The following ZRANB1 variants were observed in gnomAD, a reference collection of about 807,000 sequenced individuals.
The protein encoded by ZRANB1 is ubiquitin thioesterase ZRANB1.
A neutral mutation model predicts 80.5 loss-of-function variants in ZRANB1; 16 were observed. That is an observed-to-expected ratio of 0.20 (90% CI 0.13 to 0.30). The LOEUF (loss-of-function observed/expected upper bound fraction) is 0.30, where lower values mean the gene tolerates loss of function less well. Ranked by LOEUF, ZRANB1 falls within the 10% of genes least tolerant of loss-of-function variation. The pLI is 1.00. For synonymous variants in ZRANB1, 291 were observed against 293.1 expected, an observed-to-expected ratio of 0.99 and a Z score of 0.07; for missense variants, 576 against 862.6, an observed-to-expected ratio of 0.67 and a Z score of 4.16.
chr10:124,959,902 G>C lies in ZRANB1; in HGVS notation c.815-6692G>C, dbSNP rs79974269. Among the ~76,000 whole-genome samples, 1,082 of 152,310 alleles carry C rather than the reference G, an allele frequency of 7.1e-3. 16 individuals carry two copies. The highest frequency in any genetic ancestry group is 0.025 in the African/African-American group (1,026 of 41,572). On this transcript the variant is annotated intron_variant, in intron 1 of 8. Transcript: ENST00000359653. ...AGCAACTTAGGTATAGCCAGGTATA[G>C]CTGGGGTAGAGTCAGTGGAGATGGG... is the stretch of plus-strand genomic sequence containing the variant.
the ZRANB1 span, among the ~76,000 whole-genome samples, chr10:124,921,371 C>T: frequency 6.6e-6 from 1 of 152,180 alleles, no homozygotes; most frequent in South Asian, 2.1e-4. Flanking sequence ...TGCTACCTGT[C>T]AACCGTCTTG....
intron 1 of ZRANB1, among the ~76,000 whole-genome samples, chr10:124,951,554 G>A (rs1951638963): frequency 1.3e-5 from 2 of 152,134 alleles, no homozygotes; most frequent in South Asian, 2.1e-4. Context: ...AAAAATAGAA[G>A]AGGCTTCTAT....
the ZRANB1 span, among the ~76,000 whole-genome samples, chr10:124,918,593 CCT>C: frequency 6.6e-6 from 1 of 152,188 alleles, no homozygotes; most frequent in African/African-American, 2.4e-5. Flanking sequence ...CAGCAGTACC[CCT>C]GTTTTGGTCA....
the ZRANB1 span, among the ~76,000 whole-genome samples, chr10:124,923,294 A>C: frequency 1.3e-5 from 2 of 149,752 alleles, no homozygotes; most frequent in African/African-American, 5.1e-5. Context: ...AAACAAACAA[A>C]AAAAACAAAC....
At chr10:124,926,854 A>G in the ZRANB1 span, among the ~76,000 whole-genome samples, 1 of 152,232 alleles carries the variant, frequency 6.6e-6, no homozygotes. Flanking sequence ...TTGACGTCAC[A>G]AGGCAAATTT....
the ZRANB1 span, among the ~76,000 whole-genome samples, chr10:124,925,939 A>G: frequency 6.6e-6 from 1 of 152,236 alleles, no homozygotes; most frequent in African/African-American, 2.4e-5. Flanking sequence ...AGCCTACTGC[A>G]CAGTAGGCCA....
chr10:124,953,291 G>A (rs569160202), intron 1 of ZRANB1, among the ~76,000 whole-genome samples: 1 of 152,196 alleles, frequency 6.6e-6, no homozygotes, highest in African/African-American at 2.4e-5. Flanking sequence ...GTTCCTAGAG[G>A]AGGTCAGAGC....
chr10:124,982,211 G>A (rs1285110571), intron 6 of ZRANB1, among the ~76,000 whole-genome samples: 1 of 152,208 alleles, frequency 6.6e-6, no homozygotes, highest in African/African-American at 2.4e-5. Flanking sequence ...ATCCAGGTGA[G>A]CTCTGTTCTG....
chr10:124,926,461 G>C, the ZRANB1 span, among the ~76,000 whole-genome samples: 2 of 152,088 alleles, frequency 1.3e-5, no homozygotes, highest in South Asian at 4.1e-4. Context: ...GTTAGCTTAG[G>C]CCTACACAGG....
chr10:124,933,708 G>A, the ZRANB1 span, among the ~76,000 whole-genome samples: 6 of 152,076 alleles, frequency 3.9e-5, no homozygotes, highest in Admixed American at 1.3e-4. Context: ...GTTTTGTTTG[G>A]GATTGTGATT....
the ZRANB1 span, among the ~76,000 whole-genome samples, chr10:124,920,842 A>G: frequency 2.6e-5 from 4 of 152,102 alleles, no homozygotes; most frequent in Non-Finnish European, 5.9e-5. Flanking sequence ...CCAAATGGGT[A>G]TATCTCTATA....
At chr10:124,929,696 C>T in the ZRANB1 span, among the ~76,000 whole-genome samples, 4 of 151,456 alleles carry the variant, frequency 2.6e-5, no homozygotes, top group Admixed American at 2.6e-4. Flanking sequence ...GCCTGTAATC[C>T]CAGCACTGTG....
At chr10:124,952,986 G>A (rs1162963501) in intron 1 of ZRANB1, among the ~76,000 whole-genome samples, 3 of 151,892 alleles carry the variant, frequency 2.0e-5, no homozygotes, top group Non-Finnish European at 4.4e-5. Flanking sequence ...GTGCAGTGGC[G>A]TGATCTCGGC....
chr10:124,978,628 C>T (rs1951902104), intron 5 of ZRANB1, among the ~76,000 whole-genome samples: 1 of 151,762 alleles, frequency 6.6e-6, no homozygotes, highest in Non-Finnish European at 1.5e-5. Flanking sequence ...TAGAATTATT[C>T]CTTTTTTTCT....
intron 1 of ZRANB1, among the ~76,000 whole-genome samples, chr10:124,950,569 T>C (rs1180792615): frequency 6.6e-6 from 1 of 152,238 alleles, no homozygotes; most frequent in Non-Finnish European, 1.5e-5. Flanking sequence ...GCAAATCCAT[T>C]TGGATTCTAA....
chr10:124,931,679 CTTTATT>C, the ZRANB1 span, among the ~76,000 whole-genome samples: 1 of 152,104 alleles, frequency 6.6e-6, no homozygotes, highest in African/African-American at 2.4e-5. Flanking sequence ...CCTAAAAATA[CTTTATT>C]TTTTAGAGCA....
At chr10:124,961,083 C>A (rs1485397956) in intron 1 of ZRANB1, among the ~76,000 whole-genome samples, 1 of 151,840 alleles carries the variant, frequency 6.6e-6, no homozygotes, top group African/African-American at 2.4e-5. Context: ...CTCACTGCAA[C>A]CTCCGCCACC....
At chr10:124,940,875 G>T (rs968985836), upstream of ZRANB1, among the ~76,000 whole-genome samples, 14 of 152,196 alleles carry the variant, frequency 9.2e-5, no homozygotes, top group African/African-American at 3.1e-4. Context: ...TACTTGGGAG[G>T]CTGAGGCAGG....
At chr10:124,965,255 T>C (rs1295686192) in intron 1 of ZRANB1, among the ~76,000 whole-genome samples, 1 of 152,214 alleles carries the variant, frequency 6.6e-6, no homozygotes, top group Non-Finnish European at 1.5e-5. Flanking sequence ...GCTGTGAAAA[T>C]AAGAATTCCT....
Sources: gnomAD v4.1 joint callset for allele counts (sites outside exome capture counted in the v4.1 genomes callset) on GRCh38, gnomAD v4.1.1 for gene constraint, MANE v1.5 for transcripts, NCBI Gene and HGNC (gene_info 2026-07-23, HGNC 2026-07-21) for gene names.